The following CELF2 variants were observed in gnomAD, a reference collection of about 807,000 sequenced individuals.
CELF2 encodes the protein CUGBP Elav-like family member 2.
CELF2 carries 8 observed loss-of-function variants against 62.6 expected under a neutral mutation model. That is an observed-to-expected ratio of 0.13 (90% CI 0.07 to 0.23). CELF2 has a LOEUF of 0.23. Among genes scored for constraint, CELF2 ranks in the 10% least tolerant of loss-of-function variants. CELF2 has a pLI of 1.00. For missense variants in CELF2, 333 were observed against 671.0 expected (o/e 0.50, Z 5.56); for synonymous variants, 258 against 250.0 (o/e 1.03, Z -0.30).
rs567478779 is a variant in CELF2 at position 10,901,971 on chromosome 10, CAG to C, written c.54-17991_54-17990del. Among the ~76,000 whole-genome samples the C allele has an allele frequency of 1.2e-3, 176 of 152,256 alleles. 2 individuals carry two copies. Among genetic ancestry groups the C allele is most frequent in the African/African-American group, 3.8e-3 (158 of 41,570 alleles). On this transcript the variant is annotated intron_variant, in intron 1 of 13. Coordinates refer to the CELF2 transcript ENST00000636488. Reference sequence around the variant, plus strand: ...GACACGCAAATGTCAAATAAGCACACAGAAAGATTCTCAACATCATTAGTTAT... The same window carrying C: ...GACACGCAAATGTCAAATAAGCACACAAAGATTCTCAACATCATTAGTTAT...
chr10:11,073,715 C>T (rs1176221588), intron 1 of CELF2, among the ~76,000 whole-genome samples: 2 of 152,160 alleles, frequency 1.3e-5, no homozygotes, highest in African/African-American at 2.4e-5. Flanking sequence ...ATCTTACTAA[C>T]GCTGACTGAG....
At chr10:10,700,686 C>T in the CELF2 span, among the ~76,000 whole-genome samples, 2 of 152,228 alleles carry the variant, frequency 1.3e-5, no homozygotes, top group African/African-American at 4.8e-5. Flanking sequence ...AAATTGACTG[C>T]CCCTTGGCTA....
At chr10:11,179,452 G>A (rs561962195) in intron 2 of CELF2, among the ~76,000 whole-genome samples, 18 of 152,286 alleles carry the variant, frequency 1.2e-4, no homozygotes, top group Non-Finnish European at 2.1e-4. Context: ...CTAGCTCGGT[G>A]CCTGACATGG....
intron 1 of CELF2, among the ~76,000 whole-genome samples, chr10:11,119,866 C>CCCCCCCCT (rs2057364703): frequency 2.6e-5 from 2 of 77,790 alleles, no homozygotes; most frequent in African/African-American, 9.7e-5. Flanking sequence ...ATTCCGCCTC[C>CCCCCCCCT]CCCCCCCCGG....
At chr10:10,464,923 G>A in the CELF2 span, among the ~76,000 whole-genome samples, 1 of 152,012 alleles carries the variant, frequency 6.6e-6, no homozygotes, top group Admixed American at 6.6e-5. Context: ...CTTTTCTTCT[G>A]CCCTCACTGA....
chr10:10,695,701 C>T, the CELF2 span, among the ~76,000 whole-genome samples: 1 of 152,260 alleles, frequency 6.6e-6, no homozygotes, highest in South Asian at 2.1e-4. Context: ...AGGCTTTGCT[C>T]ATTTCCTTTT....
chr10:10,542,254 A>G, the CELF2 span, among the ~76,000 whole-genome samples: 1 of 152,218 alleles, frequency 6.6e-6, no homozygotes, highest in Non-Finnish European at 1.5e-5. Context: ...ACTGAGATAT[A>G]GAGGGTTGAG....
At chr10:10,835,452 G>A (rs556522829) in intron 1 of CELF2, among the ~76,000 whole-genome samples, 6 of 151,180 alleles carry the variant, frequency 4.0e-5, no homozygotes, top group African/African-American at 1.2e-4. Flanking sequence ...GCGCAATCTC[G>A]GCTCACTGCA....
At chr10:10,501,475 A>G in the CELF2 span, among the ~76,000 whole-genome samples, 1 of 151,624 alleles carries the variant, frequency 6.6e-6, no homozygotes, top group Non-Finnish European at 1.5e-5. Flanking sequence ...TTTTCCTGTT[A>G]TGTTTTGAGA....
chr10:11,214,085 A>G lies in CELF2; in HGVS notation c.272-3340A>G, dbSNP rs2062648898. Among the ~76,000 whole-genome samples the G allele has an allele frequency of 6.6e-6, 1 of 152,096 alleles. No homozygotes were observed. The highest frequency in any genetic ancestry group is 2.1e-4 in the South Asian group (1 of 4,824). ...GACCACTTGAGGCCAGGAGTCCAAGACCAGCCTGGGCAACATAGTGGGACC... is the reference window on the plus strand; with the variant it reads ...GACCACTTGAGGCCAGGAGTCCAAGGCCAGCCTGGGCAACATAGTGGGACC... On this transcript the variant is annotated intron_variant, in intron 2 of 12. Coordinates refer to ENST00000633077, the MANE Select transcript of CELF2 (RefSeq NM_001326342.2). This position sits in a 1 kb window ranked among gnomAD's most constrained non-coding sequence, Gnocchi z 4.2.
Position 11,333,866 on chromosome 10 carries a change from A to G in CELF2, c.*4813A>G, listed in dbSNP as rs566426611. ...TGATTGTACTTATGCATTTTGTACC[A>G]GTGGAACTTTTTATACTGGAGATTA... On this transcript the variant is annotated 3_prime_UTR_variant, in exon 13 of 13. Coordinates refer to ENST00000633077, the MANE Select transcript of CELF2 (RefSeq NM_001326342.2). The G allele has an allele frequency of 6.6e-6, 1 of 152,472 alleles. No individual in the cohort carries two copies. The highest frequency in any genetic ancestry group is 2.1e-4 in the South Asian group (1 of 4,830). 9.4% of individuals were successfully genotyped at this position (152,472 alleles called of 1,614,324 possible).
At chr10:10,959,505 A>T (rs2049257407) in intron 2 of CELF2, among the ~76,000 whole-genome samples, 3 of 152,122 alleles carry the variant, frequency 2.0e-5, no homozygotes, top group African/African-American at 4.8e-5. Context: ...CTTTCAAAAA[A>T]TTTTTTCCAT....
At chr10:10,472,923 T>TG in the CELF2 span, among the ~76,000 whole-genome samples, 1 of 151,944 alleles carries the variant, frequency 6.6e-6, no homozygotes, top group Non-Finnish European at 1.5e-5. Flanking sequence ...TCCCTTTCTA[T>TG]GGGTTCTTCT....
the CELF2 span, among the ~76,000 whole-genome samples, chr10:10,514,242 A>C: frequency 6.6e-6 from 1 of 152,354 alleles, no homozygotes; most frequent in South Asian, 2.1e-4. Flanking sequence ...TAAGTATAGA[A>C]GTTTGCAGAG....
At chr10:11,136,738 G>A (rs748794315) in intron 1 of CELF2, among the ~76,000 whole-genome samples, 5 of 152,162 alleles carry the variant, frequency 3.3e-5, no homozygotes, top group Admixed American at 6.5e-5. Flanking sequence ...GCTCTTCACC[G>A]AATGTCTCCT....
chr10:10,684,822 T>C, the CELF2 span, among the ~76,000 whole-genome samples: 1 of 152,122 alleles, frequency 6.6e-6, no homozygotes, highest in South Asian at 2.1e-4. Context: ...ACGTGCTATT[T>C]TGAAGCTCCT....
Position 11,280,095 on chromosome 10 carries a change from T to C in CELF2, c.841+4975T>C, listed in dbSNP as rs72775856. Reference sequence around the variant, plus strand: ...CAGGATGAGCGTGTGGGATAAAGTGTGACTTGGGGTGCAGACTGAGGAGGC... The same window carrying C: ...CAGGATGAGCGTGTGGGATAAAGTGCGACTTGGGGTGCAGACTGAGGAGGC... On this transcript the variant is annotated intron_variant, in intron 8 of 12. Coordinates refer to ENST00000633077, the MANE Select transcript of CELF2 (RefSeq NM_001326342.2). The surrounding 1 kb of genome is among the most constrained non-coding windows in gnomAD (Gnocchi z 7.6). Among the ~76,000 whole-genome samples, 16,351 of 152,068 alleles carry C rather than the reference T, an allele frequency of 0.11. 986 individuals carry two copies. Among genetic ancestry groups the C allele is most frequent in the Middle Eastern group, 0.19 (55 of 294 alleles).
chr10:10,669,826 C>T, the CELF2 span, among the ~76,000 whole-genome samples: 14 of 151,834 alleles, frequency 9.2e-5, no homozygotes, highest in African/African-American at 3.4e-4. Flanking sequence ...AGCTTACACA[C>T]TTTTCATAGT....
chr10:10,575,477 G>A, the CELF2 span, among the ~76,000 whole-genome samples: 11 of 152,144 alleles, frequency 7.2e-5, no homozygotes, highest in Non-Finnish European at 1.3e-4. Context: ...ATCCAGACAG[G>A]TTTTTCTTTT....
Sources: gnomAD v4.1 joint callset for allele counts (sites outside exome capture counted in the v4.1 genomes callset) on GRCh38, gnomAD v4.1.1 for gene constraint, Gnocchi (gnomAD v3.1) non-coding constraint, MANE v1.5 for transcripts, NCBI Gene and HGNC (gene_info 2026-07-23, HGNC 2026-07-21) for gene names.